MGAT4C: variants seen among roughly 807,000 people sequenced by gnomAD.
MGAT4C encodes alpha-1,3-mannosyl-glycoprotein 4-beta-N-acetylglucosaminyltransferase C.
A neutral mutation model predicts 40.1 loss-of-function variants in MGAT4C; 19 were observed. That is an observed-to-expected ratio of 0.47 (90% CI 0.33 to 0.70). The LOEUF (loss-of-function observed/expected upper bound fraction) is 0.70. Among genes scored for constraint, MGAT4C ranks in the 30% least tolerant of loss-of-function variants. MGAT4C has a pLI of 0.02. For missense variants in MGAT4C, 491 were observed against 563.2 expected (o/e 0.87, Z 1.30); for synonymous variants, 181 against 187.1 (o/e 0.97, Z 0.27).
At chr12:86,546,656 GA>G (rs951550062) in intron 2 of MGAT4C, among the ~76,000 whole-genome samples, 32 of 152,038 alleles carry the variant, frequency 2.1e-4, no homozygotes, top group African/African-American at 7.0e-4. Context: ...TACCTGCTGT[GA>G]AAGTGTATTT....
At chr12:86,399,273 G>T in intron 3 of MGAT4C, among the ~76,000 whole-genome samples, 1 of 149,962 alleles carries the variant, frequency 6.7e-6, no homozygotes. Context: ...CCCATCCTTT[G>T]TCCAATTACA....
At chr12:86,522,693 T>G (rs1958816045) in intron 2 of MGAT4C, among the ~76,000 whole-genome samples, 1 of 152,168 alleles carries the variant, frequency 6.6e-6, no homozygotes, top group African/African-American at 2.4e-5. Flanking sequence ...TCTTTGTACA[T>G]CTGGTAAAAT....
intron 1 of MGAT4C, among the ~76,000 whole-genome samples, chr12:86,744,234 A>G (rs1951117388): frequency 6.6e-6 from 1 of 151,472 alleles, no homozygotes; most frequent in Admixed American, 6.6e-5. Flanking sequence ...AAATAACTCA[A>G]CTTCTTTCTA....
chr12:86,520,787 GGTAT>G (rs1958780084), intron 2 of MGAT4C, among the ~76,000 whole-genome samples: 1 of 151,802 alleles, frequency 6.6e-6, no homozygotes, highest in Admixed American at 6.6e-5. Flanking sequence ...GGTGTGAGAT[GGTAT>G]CTCATTGTGA....
chr12:86,000,110 T>C (rs1421362902), intron 2 of MGAT4C, among the ~76,000 whole-genome samples: 2 of 152,224 alleles, frequency 1.3e-5, no homozygotes, highest in East Asian at 3.9e-4. Context: ...TATCACACTG[T>C]ACCACACAAA....
chr12:86,392,866 A>T (rs1956183126), intron 3 of MGAT4C, among the ~76,000 whole-genome samples: 1 of 152,226 alleles, frequency 6.6e-6, no homozygotes, highest in African/African-American at 2.4e-5. Context: ...TGTACACTAT[A>T]AACAATCATA....
In MGAT4C at chr12:86,269,661, A is replaced by G. The variant is rs1952892330; in HGVS notation, c.-57+64404T>C. 2.6e-5 allele frequency among the ~76,000 whole-genome samples: 4 copies of G among 152,052 alleles called. 1 individual carries two copies. Among genetic ancestry groups the G allele is most frequent in the South Asian group, 4.1e-4 (2 of 4,836 alleles). On this transcript the variant is annotated intron_variant, in intron 4 of 7. Transcript: ENST00000548651. ...TAGAGAAACTGCCTCAAAAATGGCAATATCTTCTTTGTGCTTAATGACCCT... is the reference window on the plus strand; with the variant it reads ...TAGAGAAACTGCCTCAAAAATGGCAGTATCTTCTTTGTGCTTAATGACCCT...
chr12:86,506,285 G>A (rs190343048), intron 2 of MGAT4C, among the ~76,000 whole-genome samples: 146 of 152,226 alleles, frequency 9.6e-4, no homozygotes, highest in African/African-American at 3.3e-3. Flanking sequence ...CAAATAGAAA[G>A]ATAACCATTC....
chr12:86,681,382 T>A (rs1156635500), intron 2 of MGAT4C, among the ~76,000 whole-genome samples: 1 of 152,018 alleles, frequency 6.6e-6, no homozygotes, highest in Admixed American at 6.6e-5. Context: ...GACTATGAGA[T>A]TTTCCCTCTT....
chr12:86,446,533 T>G (rs1957336531), intron 2 of MGAT4C, among the ~76,000 whole-genome samples: 1 of 151,050 alleles, frequency 6.6e-6, no homozygotes, highest in African/African-American at 2.4e-5. Flanking sequence ...ATTTTATCAT[T>G]TATATTGTCT....
chr12:86,289,286 A>G (rs941803055), intron 4 of MGAT4C, among the ~76,000 whole-genome samples: 2 of 152,128 alleles, frequency 1.3e-5, no homozygotes, highest in African/African-American at 4.8e-5. Flanking sequence ...TTGTACCAAT[A>G]CCAAGCTGTT....
intron 2 of MGAT4C, among the ~76,000 whole-genome samples, chr12:86,590,863 T>G (rs895829388): frequency 6.6e-6 from 1 of 152,008 alleles, no homozygotes; most frequent in African/African-American, 2.4e-5. Flanking sequence ...TTTATGATGC[T>G]CATCTGCATT....
At chr12:86,724,129 A>G (rs1015885944) in intron 2 of MGAT4C, among the ~76,000 whole-genome samples, 2 of 152,156 alleles carry the variant, frequency 1.3e-5, no homozygotes, top group Non-Finnish European at 2.9e-5. Context: ...CATATATATA[A>G]TGTATATATC....
At chr12:86,542,690 T>C (rs1308454892) in intron 2 of MGAT4C, among the ~76,000 whole-genome samples, 2 of 152,192 alleles carry the variant, frequency 1.3e-5, no homozygotes, top group African/African-American at 2.4e-5. Context: ...ATATGCTAAA[T>C]AAGCATGGAA....
chr12:86,498,571 C>T (rs918173299), intron 2 of MGAT4C, among the ~76,000 whole-genome samples: 15 of 151,904 alleles, frequency 9.9e-5, no homozygotes, highest in Non-Finnish European at 1.8e-4. Context: ...ACCTGGCTGC[C>T]ATTTGCAATC....
In MGAT4C at chr12:85,960,407, A is replaced by C. The variant is rs561055803; in HGVS notation, c.*18882T>G. 2.2e-4 allele frequency: 33 copies of C among 152,194 alleles called. No individual in the cohort carries two copies. Among genetic ancestry groups the C allele is most frequent in the African/African-American group, 7.9e-4 (33 of 41,578 alleles). The allele number at this position is 152,194 out of a possible 1,614,324, so 9.4% of individuals were successfully genotyped here. ...ACTTCACTACTGTGTCGTCATTGGT[A>C]GAATAAGGATAACAATACTTATCAC... On this transcript the variant is annotated 3_prime_UTR_variant, in exon 5 of 5. Transcript: ENST00000611864.
chr12:86,049,145 T>G, intron 2 of MGAT4C, among the ~76,000 whole-genome samples: 1 of 152,028 alleles, frequency 6.6e-6, no homozygotes, highest in East Asian at 1.9e-4. Flanking sequence ...TATAATACAA[T>G]AATAAAAATT....
intron 3 of MGAT4C, among the ~76,000 whole-genome samples, chr12:85,988,948 A>T (rs1322773008): frequency 2.6e-5 from 4 of 152,048 alleles, no homozygotes; most frequent in African/African-American, 9.6e-5. Flanking sequence ...TTGTAATAAA[A>T]TATTACTTAT....
intron 2 of MGAT4C, among the ~76,000 whole-genome samples, chr12:86,711,672 T>G (rs1271660692): frequency 6.6e-6 from 1 of 152,114 alleles, no homozygotes; most frequent in Non-Finnish European, 1.5e-5. Flanking sequence ...AAGATAGACT[T>G]TCATCTCACA....
Sources: gnomAD v4.1 joint callset for allele counts (sites outside exome capture counted in the v4.1 genomes callset) on GRCh38, gnomAD v4.1.1 for gene constraint, MANE v1.5 for transcripts, NCBI Gene and HGNC (gene_info 2026-07-23, HGNC 2026-07-21) for gene names.